The following GAB2 variants were observed in gnomAD, a reference collection of about 807,000 sequenced individuals.
The protein encoded by GAB2 is GRB2-associated-binding protein 2.
In GAB2, 26 loss-of-function variants were observed where a neutral mutation model predicts 65.5. The ratio of observed to expected loss-of-function variants is 0.40; its 90% CI spans 0.29 to 0.55. The LOEUF is 0.55. Among genes scored for constraint, GAB2 ranks in the 20% least tolerant of loss-of-function variants. GAB2 has a pLI of 0.53. For missense variants in GAB2, 884 were observed against 875.8 expected, an observed-to-expected ratio of 1.01 and a Z score of -0.12; for synonymous variants, 321 against 329.6, an observed-to-expected ratio of 0.97 and a Z score of 0.28.
chr11:78,220,301 C>T lies in GAB2; in HGVS notation c.1887+18G>A, dbSNP rs199687288. 2.5e-6 allele frequency: 4 copies of T among 1,611,668 alleles called. No homozygotes were observed. Among genetic ancestry groups the T allele is most frequent in the Non-Finnish European group, 3.4e-6 (4 of 1,179,706 alleles). On this transcript the variant is annotated intron_variant, in intron 9 of 9. Transcript: ENST00000361507. ...ACCCTGAGAGCTCTTACTGCCCCCC[C>T]AACTCTACTCCAGGCACCTTGCGGT...
intron 1 of GAB2, among the ~76,000 whole-genome samples, chr11:78,288,886 T>A (rs1460678630): frequency 6.6e-6 from 1 of 152,114 alleles, no homozygotes; most frequent in African/African-American, 2.4e-5. Context: ...AAAAATAAAA[T>A]GGGAAGAATC....
chr11:78,263,707 T>C (rs888423162), intron 2 of GAB2, among the ~76,000 whole-genome samples: 4 of 151,968 alleles, frequency 2.6e-5, no homozygotes, highest in Admixed American at 2.0e-4. Context: ...CACCAGCTTG[T>C]TCTTTCTGAT....
chr11:78,326,136 C>T (rs1855818653), intron 1 of GAB2, among the ~76,000 whole-genome samples: 1 of 152,198 alleles, frequency 6.6e-6, no homozygotes, highest in South Asian at 2.1e-4. Context: ...ATATTAAATG[C>T]ACTTTGCTTT....
intron 1 of GAB2, among the ~76,000 whole-genome samples, chr11:78,339,042 C>A (rs550145693): frequency 6.6e-6 from 1 of 152,214 alleles, no homozygotes; most frequent in Admixed American, 6.5e-5. Context: ...TGTGCGTCAA[C>A]CTCCCGAGTA....
At chr11:78,329,625 G>C (rs1855881988) in intron 1 of GAB2, among the ~76,000 whole-genome samples, 1 of 152,206 alleles carries the variant, frequency 6.6e-6, no homozygotes, top group South Asian at 2.1e-4. Context: ...CTGGCTGCTA[G>C]GGCAACCAGA....
chr11:78,313,746 ATAAACT>A (rs1192550974), intron 1 of GAB2, among the ~76,000 whole-genome samples: 1 of 152,234 alleles, frequency 6.6e-6, no homozygotes, highest in Admixed American at 6.5e-5. Flanking sequence ...ACCACATATA[ATAAACT>A]TAATTTAAGA....
At chr11:78,249,337 A>G (rs1483064854) in intron 3 of GAB2, among the ~76,000 whole-genome samples, 1 of 152,246 alleles carries the variant, frequency 6.6e-6, no homozygotes, top group Non-Finnish European at 1.5e-5. Flanking sequence ...TATTTGCCTT[A>G]ATTGTCATAA....
intron 1 of GAB2, among the ~76,000 whole-genome samples, chr11:78,382,368 CTTTTTTTTATTATTATTTT>C (rs971149524): frequency 3.3e-5 from 5 of 151,262 alleles, no homozygotes; most frequent in Admixed American, 3.3e-4. Context: ...GAGCAATATT[CTTTTTTTTATTATTATTTT>C]TTTTTTTTTG....
intron 1 of GAB2, among the ~76,000 whole-genome samples, chr11:78,285,613 G>A (rs975516076): frequency 6.6e-6 from 1 of 152,166 alleles, no homozygotes; most frequent in Non-Finnish European, 1.5e-5. Flanking sequence ...GATTACAGGC[G>A]TGTGCCACTA....
intron 1 of GAB2, among the ~76,000 whole-genome samples, chr11:78,392,702 T>A (rs1283632767): frequency 6.6e-6 from 1 of 152,090 alleles, no homozygotes; most frequent in African/African-American, 2.4e-5. Context: ...TTGTTCTTCA[T>A]CCCTCTCCAT....
At chr11:78,246,579 A>G (rs1366353161) in intron 3 of GAB2, among the ~76,000 whole-genome samples, 3 of 151,690 alleles carry the variant, frequency 2.0e-5, no homozygotes, top group Admixed American at 6.6e-5. Context: ...GCCCACTGCA[A>G]CCTCCACCTC....
At chr11:78,398,150 T>G (rs910135120) in intron 1 of GAB2, among the ~76,000 whole-genome samples, 1 of 152,230 alleles carries the variant, frequency 6.6e-6, no homozygotes, top group African/African-American at 2.4e-5. Context: ...CACTTTCCCC[T>G]GCTCTTGCAA....
At chr11:78,242,383 T>C (rs1865158249) in intron 3 of GAB2, among the ~76,000 whole-genome samples, 1 of 151,888 alleles carries the variant, frequency 6.6e-6, no homozygotes, top group Admixed American at 6.6e-5. Flanking sequence ...GCACCTGTAG[T>C]CCCAGCTACA....
chr11:78,339,756 A>C (rs1240757974), intron 1 of GAB2, among the ~76,000 whole-genome samples: 1 of 152,196 alleles, frequency 6.6e-6, no homozygotes, highest in Non-Finnish European at 1.5e-5. Flanking sequence ...TGCCTCAACC[A>C]ATTAGCTAAT....
chr11:78,417,397 G>C (rs1428067881), intron 1 of GAB2, among the ~76,000 whole-genome samples: 1 of 152,020 alleles, frequency 6.6e-6, no homozygotes, highest in Non-Finnish European at 1.5e-5. Flanking sequence ...CGGCTTGGGA[G>C]GCGCCGCAGC....
At position 78,226,448 on chromosome 11, in the gene GAB2, CT is replaced by C; in HGVS notation, c.1207+16del. 6.3e-7 allele frequency: 1 copy of C among 1,590,870 alleles called. No individual in the cohort carries two copies. The highest frequency in any genetic ancestry group is 1.1e-5 in the South Asian group (1 of 90,654). On this transcript the variant is annotated intron_variant, in intron 4 of 9. Coordinates refer to ENST00000361507, the MANE Select transcript of GAB2 (RefSeq NM_080491.3). ...ACCTCCTCCTCCCTCTGAGTCTCAG[CT>C]AGGACTTATACTGACCTCGGTGAAG...
chr11:78,307,014 G>C (rs989385940), intron 1 of GAB2, among the ~76,000 whole-genome samples: 9 of 152,128 alleles, frequency 5.9e-5, no homozygotes, highest in Admixed American at 2.6e-4. Context: ...TAATTCAATG[G>C]AACTGATCAC....
chr11:78,358,212 G>A (rs568489284), intron 1 of GAB2, among the ~76,000 whole-genome samples: 65 of 147,374 alleles, frequency 4.4e-4, no homozygotes, highest in Middle Eastern at 7.0e-3. Context: ...ACCAAACACC[G>A]CATGTTCTCA....
chr11:78,354,022 G>T (rs573468500), intron 1 of GAB2, among the ~76,000 whole-genome samples: 5 of 152,338 alleles, frequency 3.3e-5, no homozygotes, highest in South Asian at 2.1e-4. Flanking sequence ...TTTCTCAGGG[G>T]ATCTTACGTG....
Sources: gnomAD v4.1 joint callset for allele counts (sites outside exome capture counted in the v4.1 genomes callset) on GRCh38, gnomAD v4.1.1 for gene constraint, MANE v1.5 for transcripts, NCBI Gene and HGNC (gene_info 2026-07-23, HGNC 2026-07-21) for gene names.